Variants in ASIP observed in about 807,000 individuals in gnomAD.
ASIP encodes agouti-signaling protein.
ASIP carries 11 observed loss-of-function variants against 10.3 expected under a neutral mutation model. The observed-to-expected ratio is 1.07, with a 90% CI of 0.68 to 1.78. ASIP has a LOEUF of 1.78. Among genes scored for constraint, ASIP ranks in the 40% most tolerant of loss-of-function variants. ASIP has a pLI of 0.00. For missense variants in ASIP, 180 were observed against 169.2 expected (o/e 1.06, Z -0.35); for synonymous variants, 70 against 70.8 (o/e 0.99, Z 0.06).
upstream of ASIP, among the ~76,000 whole-genome samples, chr20:34,238,882 C>T (rs959745941): frequency 1.3e-5 from 2 of 152,166 alleles, no homozygotes; most frequent in Admixed American, 6.5e-5. Context: ...GCCAAGGACA[C>T]TTTGCCATCC....
chr20:34,199,478 G>A (rs954008458), intron 1 of ASIP, among the ~76,000 whole-genome samples: 1 of 152,022 alleles, frequency 6.6e-6, no homozygotes, highest in African/African-American at 2.4e-5. Context: ...ATCAGTGGTT[G>A]GTATTGTCTG....
chr20:34,268,318 C>T (rs561191890), intron 3 of ASIP, among the ~76,000 whole-genome samples: 10 of 152,220 alleles, frequency 6.6e-5, no homozygotes, highest in Non-Finnish European at 1.2e-4. Flanking sequence ...TCACCTGCTG[C>T]GTTCGGTGCA....
chr20:34,238,012 T>C (rs1034615237), upstream of ASIP, among the ~76,000 whole-genome samples: 1 of 152,206 alleles, frequency 6.6e-6, no homozygotes, highest in African/African-American at 2.4e-5. Flanking sequence ...AATCTGCTAA[T>C]GATTTTATTG....
chr20:34,267,260 G>A (rs941239256), intron 3 of ASIP, among the ~76,000 whole-genome samples: 2 of 151,994 alleles, frequency 1.3e-5, no homozygotes, highest in African/African-American at 4.8e-5. Context: ...AGAGTGCAAA[G>A]AAATTACAGC....
rs752930631 is a variant in ASIP, at chr20:34,260,436, A to G, written c.62A>G (p.Asn21Ser). ...GTCTTCCTCTGCTTCTTCACTGCCA[A>G]CAGCCACCTGCCACCTGAGGAGAAG... is the stretch of plus-strand genomic sequence containing the variant. ...LLVFLCFFTA[N>S]SHLPPEEKLR... Residue 21 changes from asparagine to serine, a missense_variant, in exon 2 of 4, where the codon AAC (asparagine) becomes AGC (serine). Coordinates refer to ENST00000374954, the MANE Select transcript of ASIP (RefSeq NM_001672.3). The G allele has an allele frequency of 9.3e-6, 15 of 1,613,920 alleles. No homozygotes were observed. The highest frequency in any genetic ancestry group is 1.6e-4 in the Middle Eastern group (1 of 6,082).
At chr20:34,242,026 C>T (rs978407226) in intron 1 of ASIP, among the ~76,000 whole-genome samples, 3 of 152,220 alleles carry the variant, frequency 2.0e-5, no homozygotes, top group Admixed American at 6.5e-5. Flanking sequence ...CATATTCACA[C>T]ATTTTAATGC....
At chr20:34,204,966 G>A (rs1336524860) in intron 1 of ASIP, among the ~76,000 whole-genome samples, 1 of 152,182 alleles carries the variant, frequency 6.6e-6, no homozygotes, top group African/African-American at 2.4e-5. Context: ...ATTTATTTGT[G>A]TTGGGAACAT....
chr20:34,218,541 C>T (rs546470210), intron 1 of ASIP, among the ~76,000 whole-genome samples: 4 of 152,252 alleles, frequency 2.6e-5, no homozygotes, highest in Non-Finnish European at 5.9e-5. Flanking sequence ...TTCTGGGGAG[C>T]ACTCCTCCTA....
At chr20:34,238,631 G>T (rs1199219753), upstream of ASIP, among the ~76,000 whole-genome samples, 2 of 151,520 alleles carry the variant, frequency 1.3e-5, no homozygotes, top group Non-Finnish European at 2.9e-5. Context: ...TAATATATTT[G>T]TCTAGTAGGT....
intron 1 of ASIP, among the ~76,000 whole-genome samples, chr20:34,206,375 A>C (rs2034937046): frequency 6.6e-6 from 1 of 152,064 alleles, no homozygotes; most frequent in African/African-American, 2.4e-5. Context: ...TCTCAAAAAC[A>C]CCATTCCATT....
chr20:34,213,395 T>A, intron 1 of ASIP: 1 of 648,252 alleles, frequency 1.5e-6, no homozygotes, highest in South Asian at 2.1e-5. Flanking sequence ...GAGAGTGGAG[T>A]GTTGCTATAA....
At chr20:34,208,142 T>C (rs1395122220) in intron 1 of ASIP, among the ~76,000 whole-genome samples, 1 of 152,192 alleles carries the variant, frequency 6.6e-6, no homozygotes, top group Non-Finnish European at 1.5e-5. Flanking sequence ...TTCTATTCTG[T>C]TCCATTGGTC....
At chr20:34,217,656 G>T (rs1418149291) in intron 1 of ASIP, among the ~76,000 whole-genome samples, 1 of 151,848 alleles carries the variant, frequency 6.6e-6, no homozygotes, top group South Asian at 2.1e-4. Context: ...CCGCCTCTTG[G>T]GTTCACGCCA....
chr20:34,221,442 A>G (rs985961287), intron 1 of ASIP, among the ~76,000 whole-genome samples: 4 of 152,174 alleles, frequency 2.6e-5, no homozygotes, highest in African/African-American at 9.6e-5. Flanking sequence ...GTCAGCTTGC[A>G]TTTATTGGGC....
chr20:34,206,347 CT>C (rs1209293423), intron 1 of ASIP, among the ~76,000 whole-genome samples: 2 of 152,132 alleles, frequency 1.3e-5, no homozygotes, highest in African/African-American at 4.8e-5. Flanking sequence ...ATCTTCCTCC[CT>C]ACTACCCTTC....
rs1231591016 is a variant in ASIP at position 34,214,478 on chromosome 20, T to C, written c.-11+19718T>C. The C allele has an allele frequency of 4.6e-6, 7 of 1,514,266 alleles. No individual in the cohort carries two copies. The East Asian group carries it at 6.8e-5, about 15-fold the overall frequency. 93.8% of individuals were successfully genotyped at this position (1,514,266 alleles called of 1,614,324 possible). On this transcript the variant is annotated intron_variant, in intron 1 of 3. Coordinates refer to the ASIP transcript ENST00000568305. ...CACCTGAGAAGTGAGCACCATGAGA[T>C]AGATACTGGAAGAGCTTCTGCCAAC... is the stretch of plus-strand genomic sequence containing the variant.
intron 1 of ASIP, among the ~76,000 whole-genome samples, chr20:34,222,795 C>G (rs950746806): frequency 1.3e-5 from 2 of 151,902 alleles, no homozygotes; most frequent in Non-Finnish European, 2.9e-5. Context: ...CGCGCCGCCA[C>G]GCCTGACTGG....
chr20:34,246,986 TTTTTTTG>T (rs368298095), intron 1 of ASIP, among the ~76,000 whole-genome samples: 6 of 151,588 alleles, frequency 4.0e-5, no homozygotes, highest in East Asian at 1.9e-4. Context: ...TTGGTTTTTG[TTTTTTTG>T]TTTTTTGTTT....
intron 3 of ASIP, among the ~76,000 whole-genome samples, chr20:34,265,893 T>C (rs1368349858): frequency 1.3e-5 from 2 of 151,146 alleles, no homozygotes; most frequent in Admixed American, 6.6e-5. Context: ...GAGGTTGCAG[T>C]GAGCCAAGAT....
Sources: allele counts gnomAD v4.1 joint callset (sites outside exome capture counted in the v4.1 genomes callset), GRCh38; gene constraint gnomAD v4.1.1; transcripts MANE v1.5; gene names NCBI Gene and HGNC (gene_info 2026-07-23, HGNC 2026-07-21).